ARHGAP39: variants seen among roughly 807,000 people sequenced by gnomAD.
ARHGAP39 encodes the protein rho GTPase-activating protein 39.
ARHGAP39 carries 44 observed loss-of-function variants against 106.9 expected under a neutral mutation model. That is an observed-to-expected ratio of 0.41 (90% CI 0.32 to 0.53). ARHGAP39 has a LOEUF of 0.53. Among genes scored for constraint, ARHGAP39 ranks in the 20% least tolerant of loss-of-function variants. ARHGAP39 has a pLI of 0.21. For synonymous variants in ARHGAP39, 768 were observed against 693.2 expected (o/e 1.11, Z -1.69); for missense variants, 1,496 against 1,577.3 (o/e 0.95, Z 0.87).
chr8:144,561,228 G>A (rs1166508618), intron 3 of ARHGAP39, among the ~76,000 whole-genome samples: 1 of 151,994 alleles, frequency 6.6e-6, no homozygotes, highest in East Asian at 1.9e-4. Flanking sequence ...TCACACTCCA[G>A]TGGTTTCCAT....
At chr8:144,549,038 T>C (rs1817595339) in intron 4 of ARHGAP39, among the ~76,000 whole-genome samples, 1 of 152,184 alleles carries the variant, frequency 6.6e-6, no homozygotes, top group Admixed American at 6.5e-5. Flanking sequence ...CAGCTGCAGG[T>C]GTCCCACTAA....
chr8:144,562,685 T>A (rs1818241406), intron 3 of ARHGAP39, among the ~76,000 whole-genome samples: 1 of 151,632 alleles, frequency 6.6e-6, no homozygotes, highest in Non-Finnish European at 1.5e-5. Context: ...CTCACTCCAG[T>A]GGTTTCCATC....
rs73716229 is a variant in ARHGAP39 at position 144,609,986 on chromosome 8, A to G, written c.-81-4291T>C. ...TTTGTGGGAAGGTTTTCAATTACACATTGAATCTATTTAATAGATACAGAG... is the reference window on the plus strand; with the variant it reads ...TTTGTGGGAAGGTTTTCAATTACACGTTGAATCTATTTAATAGATACAGAG... On this transcript the variant is annotated intron_variant, in intron 1 of 11. Coordinates refer to ENST00000377307, the MANE Select transcript of ARHGAP39 (RefSeq NM_025251.3). Among the ~76,000 whole-genome samples the G allele has an allele frequency of 4.4e-3, 669 of 152,330 alleles. 3 individuals carry two copies. The highest frequency in any genetic ancestry group is 0.015 in the African/African-American group (623 of 41,568).
chr8:144,623,490 G>A (rs186659175), intron 1 of ARHGAP39, among the ~76,000 whole-genome samples: 3 of 152,338 alleles, frequency 2.0e-5, no homozygotes, highest in East Asian at 3.9e-4. Flanking sequence ...GAGCTGATGC[G>A]GCTCCATCGA....
chr8:144,641,852 G>A lies in ARHGAP39; in HGVS notation c.-81-36157C>T, dbSNP rs1821320151. Among the ~76,000 whole-genome samples, 1 of 152,202 alleles carries A rather than the reference G, an allele frequency of 6.6e-6. No homozygotes were observed. Among genetic ancestry groups the A allele is most frequent in the South Asian group, 2.1e-4 (1 of 4,832 alleles). ...ATCACAGTGCAGCCACGAGGAGGAG[G>A]GGTACCTGCCACAAGCTCCGGGTGG... is the stretch of plus-strand genomic sequence containing the variant. On this transcript the variant is annotated intron_variant, in intron 1 of 11. Transcript: ENST00000377307. The surrounding 1 kb of genome is among the most constrained non-coding windows in gnomAD (Gnocchi z 5.2).
intron 2 of ARHGAP39, among the ~76,000 whole-genome samples, chr8:144,596,719 G>A (rs551908653): frequency 9.8e-5 from 15 of 152,316 alleles, no homozygotes; most frequent in African/African-American, 1.9e-4. Flanking sequence ...CGGGTGGCGC[G>A]CACTGCCGGG....
chr8:144,551,879 C>A (rs1480175495), intron 4 of ARHGAP39, among the ~76,000 whole-genome samples: 1 of 152,230 alleles, frequency 6.6e-6, no homozygotes, highest in Non-Finnish European at 1.5e-5. Context: ...CCCCGATGGG[C>A]CTTCATAGCC....
chr8:144,691,747 C>T, the ARHGAP39 span, among the ~76,000 whole-genome samples: 8 of 151,960 alleles, frequency 5.3e-5, no homozygotes, highest in Admixed American at 5.3e-4. Context: ...TGATTTATGA[C>T]CTAAGTAGCT....
intron 1 of ARHGAP39, among the ~76,000 whole-genome samples, chr8:144,611,247 A>G (rs946540292): frequency 6.6e-6 from 1 of 152,228 alleles, no homozygotes; most frequent in African/African-American, 2.4e-5. Flanking sequence ...CATAATTTAT[A>G]TGATTTGAAT....
intron 1 of ARHGAP39, among the ~76,000 whole-genome samples, chr8:144,658,891 T>C (rs1383261625): frequency 6.6e-6 from 1 of 152,178 alleles, no homozygotes. Context: ...ATATTAAATT[T>C]AACCAATATT....
intron 2 of ARHGAP39, among the ~76,000 whole-genome samples, chr8:144,598,125 G>A (rs1032026131): frequency 6.6e-6 from 1 of 152,218 alleles, no homozygotes; most frequent in African/African-American, 2.4e-5. Flanking sequence ...TCCAGAGGGC[G>A]CCCGGCATGG....
chr8:144,641,238 C>G lies in ARHGAP39; in HGVS notation c.-81-35543G>C, dbSNP rs190628477. On this transcript the variant is annotated intron_variant, in intron 1 of 11. Transcript: ENST00000377307. The surrounding 1 kb of genome is among the most constrained non-coding windows in gnomAD (Gnocchi z 5.2). ...CTATGACATCTGGGACCCTGGGGCACCGGTCTCTGGCCCTCAAGGCACCAG... is the reference window on the plus strand; with the variant it reads ...CTATGACATCTGGGACCCTGGGGCAGCGGTCTCTGGCCCTCAAGGCACCAG... Among the ~76,000 whole-genome samples the G allele has an allele frequency of 1.7e-3, 264 of 152,182 alleles. 1 individual carries two copies. The highest frequency in any genetic ancestry group is 6.0e-3 in the African/African-American group (250 of 41,524).
At position 144,679,676 on chromosome 8, in the gene ARHGAP39, G is replaced by T. The variant is rs548369438; in HGVS notation, c.-82+6010C>A. ...ACAAAGCTGCCTGCGGTGGCTCCCG[G>T]TTAGCTAGAAAATTAAAATCTAGGC... On this transcript the variant is annotated intron_variant, in intron 1 of 11. Transcript: ENST00000377307. The surrounding 1 kb of genome is among the most constrained non-coding windows in gnomAD (Gnocchi z 4.7). Among the ~76,000 whole-genome samples the T allele has an allele frequency of 2.0e-5, 3 of 152,252 alleles. No homozygotes were observed. Among genetic ancestry groups the T allele is most frequent in the Admixed American group, 2.0e-4 (3 of 15,282 alleles).
rs140578951 is a variant in ARHGAP39, at chr8:144,661,348, T to C, written c.-82+24338A>G. Among the ~76,000 whole-genome samples, 46 of 152,258 alleles carry C rather than the reference T, an allele frequency of 3.0e-4. 1 individual carries two copies. Among genetic ancestry groups the C allele is most frequent in the African/African-American group, 9.9e-4 (41 of 41,540 alleles). On this transcript the variant is annotated intron_variant, in intron 1 of 11. Transcript: ENST00000377307. The stretch of plus-strand genomic sequence containing the variant: ...TTCGCGCGTGACACTCCTGCAGAGG[T>C]GGGCTCCACACACCAGCCACCTGGC...
chr8:144,552,691 C>G (rs988465362), intron 4 of ARHGAP39, among the ~76,000 whole-genome samples: 2 of 152,030 alleles, frequency 1.3e-5, no homozygotes, highest in Admixed American at 1.3e-4. Context: ...TTTTCTATCT[C>G]AATATGCAGA....
rs1459676145 is a variant in ARHGAP39 at position 144,580,932 on chromosome 8, G to A, written c.426C>T (p.Pro142=). 6 of 1,605,312 alleles carry A rather than the reference G, an allele frequency of 3.7e-6. No individual in the cohort carries two copies. Among genetic ancestry groups the A allele is most frequent in the Non-Finnish European group, 5.1e-6 (6 of 1,178,204 alleles). ...REGSTSSSLE[P]EPDTEKAQEL... is the part of the protein sequence containing the mutation. ...CCTGCGCTTTCTCAGTGTCGGGCTC[G>A]GGCTCCAGGGAGGAGCTGGTGCTGC... The change falls in exon 3 of 12, where the codon CCC becomes CCT. Residue 142 remains proline (P), a synonymous_variant. Coordinates refer to ENST00000377307, the MANE Select transcript of ARHGAP39 (RefSeq NM_025251.3).
intron 3 of ARHGAP39, among the ~76,000 whole-genome samples, chr8:144,573,610 A>AT (rs1818662891): frequency 6.6e-6 from 1 of 152,236 alleles, no homozygotes; most frequent in African/African-American, 2.4e-5. Flanking sequence ...TAAAATAAAA[A>AT]TAAAAAAAGG....
chr8:144,583,846 T>G (rs2130905168), intron 2 of ARHGAP39, among the ~76,000 whole-genome samples: 1 of 152,366 alleles, frequency 6.6e-6, no homozygotes, highest in South Asian at 2.1e-4. Flanking sequence ...GCATATTCCA[T>G]GTATGACATG....
intron 1 of ARHGAP39, among the ~76,000 whole-genome samples, chr8:144,654,660 T>C (rs1821653076): frequency 6.6e-6 from 1 of 150,592 alleles, no homozygotes. Context: ...GCCCCGCCCC[T>C]TCTGAGTTGG....
Sources: gnomAD v4.1 joint callset for allele counts (sites outside exome capture counted in the v4.1 genomes callset) on GRCh38, gnomAD v4.1.1 for gene constraint, Gnocchi (gnomAD v3.1) non-coding constraint, MANE v1.5 for transcripts, NCBI Gene and HGNC (gene_info 2026-07-23, HGNC 2026-07-21) for gene names.